Variants in ADGRV1 observed in about 807,000 individuals in gnomAD.
ADGRV1 encodes the protein adhesion G protein-coupled receptor V1.
In ADGRV1, 359 loss-of-function variants were observed where a neutral mutation model predicts 596.2. The ratio of observed to expected loss-of-function variants is 0.60; its 90% CI spans 0.55 to 0.66. ADGRV1 has a LOEUF of 0.66. Among genes scored for constraint, ADGRV1 ranks in the 30% least tolerant of loss-of-function variants. ADGRV1 has a pLI of 0.00. For synonymous variants in ADGRV1, 2,681 were observed against 2,679.2 expected, an observed-to-expected ratio of 1.00 and a Z score of -0.02; for missense variants, 7,274 against 7,575.6, an observed-to-expected ratio of 0.96 and a Z score of 1.48.
intron 87 of ADGRV1, among the ~76,000 whole-genome samples, chr5:91,110,726 G>A (rs1008567678): frequency 2.5e-4 from 38 of 152,280 alleles, no homozygotes; most frequent in African/African-American, 9.1e-4. Context: ...TGTGGAGAAG[G>A]TTCATATGCA....
intron 83 of ADGRV1, among the ~76,000 whole-genome samples, chr5:90,905,216 T>A (rs1266537192): frequency 1.3e-5 from 2 of 152,116 alleles, no homozygotes; most frequent in East Asian, 3.8e-4. Context: ...CTTTGACTAA[T>A]CTGGGTCTTT....
chr5:90,647,786 A>G (rs1466437380), intron 17 of ADGRV1, 22 bp downstream of exon 17: 2 of 1,600,058 alleles, frequency 1.2e-6, no homozygotes, highest in Admixed American at 1.7e-5. Flanking sequence ...ATGCTTTTTT[A>G]TGGCAGATCT....
intron 26 of ADGRV1, among the ~76,000 whole-genome samples, chr5:90,680,787 T>G (rs1191726383): frequency 6.6e-6 from 1 of 152,200 alleles, no homozygotes; most frequent in Non-Finnish European, 1.5e-5. Flanking sequence ...AAATGCTGCT[T>G]TAGATCATGG....
intron 1 of ADGRV1, among the ~76,000 whole-genome samples, chr5:90,614,534 T>G (rs1763107204): frequency 6.6e-6 from 1 of 152,098 alleles, no homozygotes. Context: ...TGGATGTCAA[T>G]AAATTTTTTA....
At chr5:90,914,053 T>A (rs1282438137) in intron 83 of ADGRV1, among the ~76,000 whole-genome samples, 1 of 152,160 alleles carries the variant, frequency 6.6e-6, no homozygotes, top group Non-Finnish European at 1.5e-5. Flanking sequence ...TAGTAATGGA[T>A]CCAGATTTAG....
chr5:91,027,931 G>T (rs1784149276), intron 85 of ADGRV1, among the ~76,000 whole-genome samples: 2 of 151,990 alleles, frequency 1.3e-5, no homozygotes, highest in Non-Finnish European at 2.9e-5. Flanking sequence ...TTCTTTTGTT[G>T]CTAAGGGAAT....
intron 83 of ADGRV1, among the ~76,000 whole-genome samples, chr5:90,942,702 G>C (rs1012007457): frequency 6.6e-6 from 1 of 152,114 alleles, no homozygotes; most frequent in African/African-American, 2.4e-5. Context: ...ATTCCTTATG[G>C]CAAGGACTTC....
At chr5:90,961,575 A>G (rs34381536) in intron 83 of ADGRV1, among the ~76,000 whole-genome samples, 32,684 of 146,052 alleles carry the variant, frequency 0.22, 4,281 homozygotes, top group Non-Finnish European at 0.31. Context: ...TAGTAAACTG[A>G]GGGAGGAGGG....
At chr5:90,732,336 G>T (rs1752660246) in intron 50 of ADGRV1, among the ~76,000 whole-genome samples, 1 of 151,982 alleles carries the variant, frequency 6.6e-6, no homozygotes, top group South Asian at 2.1e-4. Context: ...CTTTATTAAG[G>T]CTTGATTGAC....
At chr5:90,734,596 T>C (rs911963220) in intron 50 of ADGRV1, among the ~76,000 whole-genome samples, 6 of 147,278 alleles carry the variant, frequency 4.1e-5, no homozygotes, top group Admixed American at 6.8e-5. Flanking sequence ...TTTTTTTTTT[T>C]TTTTTTTGAG....
At position 90,756,312 on chromosome 5, in the gene ADGRV1, A is replaced by G; in HGVS notation, c.11581-142A>G. ...CAGTGGGAATGTATTAAAATATAACAAGAATCTTTTTTATGTTTGACAGAG... is the reference window on the plus strand; with the variant it reads ...CAGTGGGAATGTATTAAAATATAACGAGAATCTTTTTTATGTTTGACAGAG... On this transcript the variant is annotated intron_variant, in intron 55 of 89. Transcript: ENST00000405460. 5.6e-6 allele frequency: 3 copies of G among 539,466 alleles called. 1 individual carries two copies. 33.4% of individuals were successfully genotyped at this position (539,466 alleles called of 1,614,324 possible).
At chr5:91,002,635 T>A (rs1044681521) in intron 85 of ADGRV1, among the ~76,000 whole-genome samples, 6 of 151,958 alleles carry the variant, frequency 3.9e-5, no homozygotes, top group African/African-American at 1.4e-4. Context: ...AATTATTATC[T>A]TTTTTTTCTG....
rs372113605 is a variant in ADGRV1, at chr5:90,829,112, G to A, written c.16537G>A (p.Ala5513Thr). 31 of 1,612,008 alleles carry A rather than the reference G, an allele frequency of 1.9e-5. No individual in the cohort carries two copies. In the East Asian group the frequency reaches 4.9e-4, roughly 25 times the overall value. The change falls in exon 77 of 90, where the codon GCC becomes ACC. Residue 5513 changes from alanine to threonine, a missense_variant. This residue lies in a region of ADGRV1 where 1,874 missense variants were observed against 1,970.2 expected (regional missense o/e 0.95). Coordinates refer to ENST00000405460, the MANE Select transcript of ADGRV1 (RefSeq NM_032119.4). The stretch of plus-strand genomic sequence containing the variant: ...TCGGCTGGCAGTGGCTCACAAGAAG[G>A]CCACTTTAATCAGTCTGCAGGTGGC... ...GSRLAVAHKKATLISLQVARD... is the reference protein window; with the variant it reads ...GSRLAVAHKKTTLISLQVARD...
intron 11 of ADGRV1, among the ~76,000 whole-genome samples, chr5:90,641,806 A>C (rs1462185065): frequency 1.3e-5 from 2 of 152,198 alleles, no homozygotes; most frequent in Non-Finnish European, 2.9e-5. Flanking sequence ...TGCAGGATTG[A>C]TAATTCTTAA....
At chr5:91,059,808 A>G (rs1394014451) in intron 85 of ADGRV1, among the ~76,000 whole-genome samples, 6 of 152,176 alleles carry the variant, frequency 3.9e-5, no homozygotes, top group Non-Finnish European at 1.5e-5. Flanking sequence ...CATTTATCAA[A>G]TATCCCTTGC....
intron 83 of ADGRV1, among the ~76,000 whole-genome samples, chr5:90,892,019 G>A (rs1249640372): frequency 1.3e-5 from 2 of 151,910 alleles, no homozygotes; most frequent in Non-Finnish European, 2.9e-5. Context: ...AGAATGTAAA[G>A]ACTAAAGGAT....
At chr5:90,896,425 C>T (rs1302136772) in intron 83 of ADGRV1, among the ~76,000 whole-genome samples, 6 of 151,688 alleles carry the variant, frequency 4.0e-5, no homozygotes. Context: ...CATTTTCCAC[C>T]ATGCCCAGCT....
chr5:90,823,648 A>T (rs980449807), intron 76 of ADGRV1, 52 bp downstream of exon 76: 1 of 1,494,272 alleles, frequency 6.7e-7, no homozygotes, highest in East Asian at 2.3e-5. Flanking sequence ...ATTTCTTTAG[A>T]ATTAATCATT....
In ADGRV1 at chr5:90,615,011, A is replaced by G. The variant is rs1463493906; in HGVS notation, c.199A>G (p.Ile67Val). 5.5e-6 allele frequency: 8 copies of G among 1,442,360 alleles called. No homozygotes were observed. In the South Asian group the frequency reaches 6.3e-5, roughly 11 times the overall value. 89.3% of individuals were successfully genotyped at this position (1,442,360 alleles called of 1,614,324 possible). A position where few individuals can be genotyped will look rare whatever the true frequency, so the allele number is the denominator to read the frequency against. The change falls in exon 2 of 90, where the codon ATT (isoleucine) becomes GTT (valine). Residue 67 changes from isoleucine (I) to valine (V), a missense_variant. Coordinates refer to ENST00000405460, the MANE Select transcript of ADGRV1 (RefSeq NM_032119.4). ...RIGEPANVTA[I>V]VSLYGEDAGD... ...AGGAGAGCCAGCAAATGTTACTGCA[A>G]TTGTATCGGTAAGAAATTATTATAG...
Sources: allele counts gnomAD v4.1 joint callset (sites outside exome capture counted in the v4.1 genomes callset), GRCh38; gene constraint gnomAD v4.1.1; regional missense constraint gnomAD v4.1.1; transcripts MANE v1.5; gene names NCBI Gene and HGNC (gene_info 2026-07-23, HGNC 2026-07-21).